Variants in CFHR4 observed in about 807,000 individuals in gnomAD.
The protein encoded by CFHR4 is complement factor H-related protein 4.
A neutral mutation model predicts 69.3 loss-of-function variants in CFHR4; 64 were observed. That is an observed-to-expected ratio of 0.92 (90% CI 0.76 to 1.14). The LOEUF is 1.14. CFHR4 is among the 50% of genes most tolerant of loss of function. The pLI is 0.00. For synonymous variants in CFHR4, 244 were observed against 237.0 expected (o/e 1.03, Z -0.27); for missense variants, 636 against 684.9 (o/e 0.93, Z 0.80).
In CFHR4 at chr1:196,906,528, ATCT is replaced by A. The variant is rs997849131; in HGVS notation, c.440-328_440-326del. On this transcript the variant is annotated intron_variant, in intron 3 of 9. Coordinates refer to ENST00000608469, the MANE Select transcript of CFHR4 (RefSeq NM_001201550.3). ...TTAACTTTTAAATTCACAAAATTTT[ATCT>A]TCTTTAAAATAATACATTATAGTGA... Among the ~76,000 whole-genome samples, 12 of 151,608 alleles carry A rather than the reference ATCT, an allele frequency of 7.9e-5. 1 individual carries two copies. The highest frequency in any genetic ancestry group is 2.9e-4 in the African/African-American group (12 of 41,122).
Position 196,895,274 on chromosome 1 carries a change from T to A in CFHR4, c.58+7066T>A, listed in dbSNP as rs148789844. Reference sequence around the variant, plus strand: ...TAATTAAATTAAAGTTTGATTATAATGTATCTTGATATCTATCTCTTTGAG... The same window carrying A: ...TAATTAAATTAAAGTTTGATTATAAAGTATCTTGATATCTATCTCTTTGAG... On this transcript the variant is annotated intron_variant, in intron 1 of 9. Coordinates refer to ENST00000608469, the MANE Select transcript of CFHR4 (RefSeq NM_001201550.3). Among the ~76,000 whole-genome samples the A allele has an allele frequency of 8.6e-3, 1,297 of 151,558 alleles. 57 individuals carry two copies. Among genetic ancestry groups the A allele is most frequent in the African/African-American group, 0.03 (1,248 of 41,078 alleles).
intron 1 of CFHR4, 148 bp from the exon 2 acceptor site, chr1:196,902,270 G>A: frequency 1.6e-6 from 1 of 612,132 alleles, no homozygotes; most frequent in Non-Finnish European, 2.8e-6. Flanking sequence ...ACATATCTAG[G>A]TCATTGGATT....
chr1:196,912,901 T>C lies in CFHR4; in HGVS notation c.1159T>C (p.Ser387Pro), dbSNP rs749912418. 6.2e-7 allele frequency: 1 copy of C among 1,611,738 alleles called. No homozygotes were observed. Among genetic ancestry groups the C allele is most frequent in the African/African-American group, 1.3e-5 (1 of 74,476 alleles). Residue 387 changes from serine to proline, a missense_variant, in exon 7 of 10, where the codon TCA (serine) becomes CCA (proline). By Grantham distance (74) the Ser-to-Pro change is moderately conservative. Transcript: ENST00000608469. ...AATTACATGTTTGCAAAATGGATGG[T>C]CAGCACAACCAATTTGCATTAGTAA... ...GSITCLQNGW[S>P]AQPICIKFCD...
At chr1:196,912,355 G>A (rs1658321063) in intron 6 of CFHR4, among the ~76,000 whole-genome samples, 1 of 151,304 alleles carries the variant, frequency 6.6e-6, no homozygotes, top group Non-Finnish European at 1.5e-5. Flanking sequence ...CTGGGAAATG[G>A]CATTTGACTT....
intron 2 of CFHR4, among the ~76,000 whole-genome samples, chr1:196,903,444 G>A (rs1430822542): frequency 6.6e-6 from 1 of 150,878 alleles, no homozygotes. Context: ...CTTTAGGTGA[G>A]GAGTTCAAGA....
rs745894813 is a variant in CFHR4, at chr1:196,906,970, T to C, written c.549T>C (p.Ser183=). 1.9e-6 allele frequency: 3 copies of C among 1,612,714 alleles called. No homozygotes were observed. In the South Asian group the frequency reaches 3.3e-5, roughly 18 times the overall value. Residue 183 remains serine, a synonymous_variant, in exon 4 of 10, where the codon AGT becomes AGC. Coordinates refer to ENST00000608469, the MANE Select transcript of CFHR4 (RefSeq NM_001201550.3). ...DYECYDGYES[S]YGNTTDSIVC... ...AATGCTATGATGGATATGAAAGCAG[T>C]TATGGAAACACCACAGATTCCATAG...
At chr1:196,891,577 C>T (rs1237924323) in intron 1 of CFHR4, among the ~76,000 whole-genome samples, 2 of 151,504 alleles carry the variant, frequency 1.3e-5, no homozygotes, top group Non-Finnish European at 1.5e-5. Context: ...TGTCACTAGC[C>T]TCCTTCCAGT....
chr1:196,907,343 C>T lies in CFHR4; in HGVS notation c.644C>T (p.Pro215Leu). The T allele has an allele frequency of 5.6e-6, 9 of 1,611,340 alleles. No individual in the cohort carries two copies. The highest frequency in any genetic ancestry group is 6.8e-6 in the Non-Finnish European group (8 of 1,178,730). Residue 215 changes from proline (P) to leucine (L), a missense_variant, in exon 5 of 10, where the codon CCA becomes CTA. Around this residue, in one of 3 missense-constraint regions of CFHR4, gnomAD observed 529 missense variants for 533.2 expected, o/e 0.99. Transcript: ENST00000608469. The stretch of plus-strand genomic sequence containing the variant: ...TCTTCAGAAAACTGTGGGCCTCCTC[C>T]ACCTATTAGCAATGGAGATACCACG... ...YNSSENCGPPPPISNGDTTSF... is the reference protein window; with the variant it reads ...YNSSENCGPPLPISNGDTTSF...
chr1:196,915,641 T>TA (rs1182587396), intron 9 of CFHR4, among the ~76,000 whole-genome samples: 6 of 138,032 alleles, frequency 4.3e-5, no homozygotes, highest in Non-Finnish European at 8.0e-5. Flanking sequence ...TCTCCAAAAA[T>TA]AAAAAAATAA....
Position 196,902,549 on chromosome 1 carries a change from T to G in CFHR4, c.190T>G (p.Ser64Ala). ...CTGTGATCAAAATTTTGTGACTCCT[T>G]CAGGAAGTTACTGGGATTACATTCA... ...YYCDQNFVTPSGSYWDYIHCT... is the reference protein window; with the variant it reads ...YYCDQNFVTPAGSYWDYIHCT... The change falls in exon 2 of 10, where the codon TCA (serine) becomes GCA (alanine). Residue 64 changes from serine (S) to alanine (A), a missense_variant. By Grantham distance (99) the Ser-to-Ala change is moderately conservative. Transcript: ENST00000608469. 2 of 1,612,386 alleles carry G rather than the reference T, an allele frequency of 1.2e-6. No homozygotes were observed. Among genetic ancestry groups the G allele is most frequent in the Non-Finnish European group, 1.7e-6 (2 of 1,179,282 alleles).
chr1:196,899,767 A>G (rs780854340), intron 1 of CFHR4, among the ~76,000 whole-genome samples: 11 of 151,810 alleles, frequency 7.2e-5, no homozygotes, highest in Non-Finnish European at 1.6e-4. Flanking sequence ...GTTTTCTGCA[A>G]AAGTATTTCG....
Position 196,918,371 on chromosome 1 carries a change from A to C in CFHR4, c.1702A>C (p.Arg568=), listed in dbSNP as rs748147685. ...AGTTCTATCATTTCAAGCAGTGTGT[A>C]GGGAAGGCATAGTGGAATACCCCAG... The part of the protein sequence containing the change: ...TSVLSFQAVC[R]EGIVEYPRCE Residue 568 remains arginine (R), a synonymous_variant, in exon 10 of 10, where the codon AGG becomes CGG. Coordinates refer to ENST00000608469, the MANE Select transcript of CFHR4 (RefSeq NM_001201550.3). The C allele has an allele frequency of 2.5e-6, 4 of 1,612,288 alleles. No homozygotes were observed. The highest frequency in any genetic ancestry group is 2.2e-5 in the East Asian group (1 of 44,704).
At position 196,900,559 on chromosome 1, in the gene CFHR4, G is replaced by C. The variant is rs1005657213; in HGVS notation, c.59-1859G>C. On this transcript the variant is annotated intron_variant, in intron 1 of 9. Transcript: ENST00000608469. ...GATAACTATACTTGTTCTGAAATCAGAAAACTAAAGTTTAAATCTCTGCTC... is the reference window on the plus strand; with the variant it reads ...GATAACTATACTTGTTCTGAAATCACAAAACTAAAGTTTAAATCTCTGCTC... Among the ~76,000 whole-genome samples, 5 of 151,114 alleles carry C rather than the reference G, an allele frequency of 3.3e-5. 1 individual carries two copies. The highest frequency in any genetic ancestry group is 1.2e-4 in the African/African-American group (5 of 40,920).
chr1:196,917,941 G>A lies in CFHR4; in HGVS notation c.1541-269G>A, dbSNP rs2124982324. Reference sequence around the variant, plus strand: ...ACTAGGGTGGACACAACATGTTTTAGGGAAGAAGAGTTCAGGCTCTAGAGA... The same window carrying A: ...ACTAGGGTGGACACAACATGTTTTAAGGAAGAAGAGTTCAGGCTCTAGAGA... On this transcript the variant is annotated intron_variant, in intron 9 of 9. Transcript: ENST00000608469. Among the ~76,000 whole-genome samples the A allele has an allele frequency of 1.3e-5, 2 of 151,558 alleles. 1 individual carries two copies. The highest frequency in any genetic ancestry group is 4.2e-4 in the South Asian group (2 of 4,814).
intron 1 of CFHR4, among the ~76,000 whole-genome samples, chr1:196,900,612 T>A (rs960389898): frequency 4.0e-5 from 6 of 151,126 alleles, no homozygotes; most frequent in East Asian, 3.9e-4. Flanking sequence ...TTTAATTGAG[T>A]TTTTTAAGGC....
At chr1:196,889,851 A>T (rs538338852) in intron 1 of CFHR4, among the ~76,000 whole-genome samples, 13 of 151,566 alleles carry the variant, frequency 8.6e-5, no homozygotes, top group African/African-American at 2.9e-4. Context: ...TGGTGTCAAT[A>T]AGAAGAGAAA....
intron 6 of CFHR4, among the ~76,000 whole-genome samples, chr1:196,911,476 A>G (rs1164915194): frequency 1.3e-5 from 2 of 150,968 alleles, no homozygotes; most frequent in African/African-American, 4.9e-5. Context: ...ATCTCTCACA[A>G]CTATGTCATA....
chr1:196,900,082 C>T (rs1043266404), intron 1 of CFHR4, among the ~76,000 whole-genome samples: 1 of 151,430 alleles, frequency 6.6e-6, no homozygotes, highest in Non-Finnish European at 1.5e-5. Flanking sequence ...GTAGTGGTAA[C>T]TGTAAGATCC....
intron 5 of CFHR4, among the ~76,000 whole-genome samples, chr1:196,908,560 A>G (rs1271725807): frequency 6.6e-6 from 1 of 151,444 alleles, no homozygotes; most frequent in Non-Finnish European, 1.5e-5. Flanking sequence ...AAAAGCCCTC[A>G]AGTCTGTAAT....
Sources: gnomAD v4.1 joint callset for allele counts (sites outside exome capture counted in the v4.1 genomes callset) on GRCh38, gnomAD v4.1.1 for gene constraint, gnomAD v4.1.1 regional missense constraint, MANE v1.5 for transcripts, NCBI Gene and HGNC (gene_info 2026-07-23, HGNC 2026-07-21) for gene names.